Variants in TAC1 observed in about 807,000 individuals in gnomAD.
The protein encoded by TAC1 is tachykinin precursor 1.
A neutral mutation model predicts 21.7 loss-of-function variants in TAC1; 12 were observed. The ratio of observed to expected loss-of-function variants is 0.55; its 90% CI spans 0.35 to 0.89. The LOEUF (loss-of-function observed/expected upper bound fraction) is 0.89. Ranked by LOEUF, TAC1 falls within the 40% of genes least tolerant of loss-of-function variation. The probability of loss-of-function intolerance (pLI) is 0.01; values close to 1 mark genes in which losing one functional copy is unlikely to be tolerated. For missense variants in TAC1, 128 were observed against 151.4 expected (o/e 0.85, Z 0.81); for synonymous variants, 52 against 52.0 (o/e 1.00, Z 0.00).
In TAC1 at chr7:97,736,332, G is replaced by A; in HGVS notation, c.323G>A (p.Gly108Asp). ...ACAGATTCCTTTGTTGGACTAATGG[G>A]CAAAAGAGCTTTAAATTCTGGTATG... Reference protein sequence around the residue: ...HKTDSFVGLMGKRALNSVAYE... With the variant: ...HKTDSFVGLMDKRALNSVAYE... The change falls in exon 6 of 7, where the codon GGC becomes GAC. Residue 108 changes from glycine to aspartate, a missense_variant. By Grantham distance (94) the Gly-to-Asp change is moderately conservative (BLOSUM62 -1). Transcript: ENST00000319273. The A allele has an allele frequency of 6.2e-7, 1 of 1,611,252 alleles. No individual in the cohort carries two copies. The highest frequency in any genetic ancestry group is 8.5e-7 in the Non-Finnish European group (1 of 1,178,222).
At chr7:97,733,902 G>A (rs1465964535) in intron 3 of TAC1, 83 bp downstream of exon 3, 2 of 1,337,386 alleles carry the variant, frequency 1.5e-6, no homozygotes, top group African/African-American at 1.4e-5. Flanking sequence ...AGGGTCTCTC[G>A]CTCTGAATAG....
chr7:97,732,950 C>A lies in TAC1; in HGVS notation c.123+215C>A. 1 of 590,748 alleles carries A rather than the reference C, an allele frequency of 1.7e-6. No individual in the cohort carries two copies. The highest frequency in any genetic ancestry group is 2.8e-6 in the Non-Finnish European group (1 of 350,946). The allele number at this position is 590,748 out of a possible 1,614,324, so 36.6% of individuals were successfully genotyped here. A position where few individuals can be genotyped will look rare whatever the true frequency, so the allele number is the denominator to read the frequency against. Reference sequence around the variant, plus strand: ...AGTTTCTTCCCGAGGGCTGCACCGTCCGGCCCAGGAACTCCCTGCAGTAGG... The same window carrying A: ...AGTTTCTTCCCGAGGGCTGCACCGTACGGCCCAGGAACTCCCTGCAGTAGG... On this transcript the variant is annotated intron_variant, in intron 2 of 6. Transcript: ENST00000319273. This position sits in a 1 kb window ranked among gnomAD's most constrained non-coding sequence, Gnocchi z 6.2.
At chr7:97,737,671 C>G (rs997253801) in intron 6 of TAC1, among the ~76,000 whole-genome samples, 1 of 151,834 alleles carries the variant, frequency 6.6e-6, no homozygotes, top group African/African-American at 2.4e-5. Flanking sequence ...TTATTGGGTC[C>G]CCACTTTCTA....
In TAC1 at chr7:97,734,842, T is replaced by G; in HGVS notation, c.282T>G (p.Ser94=). 6.3e-7 allele frequency: 1 copy of G among 1,595,510 alleles called. No individual in the cohort carries two copies. Among genetic ancestry groups the G allele is most frequent in the East Asian group, 2.2e-5 (1 of 44,572 alleles). The change falls in exon 5 of 7, where the codon TCT becomes TCG. Residue 94 remains serine, a synonymous_variant. Coordinates refer to ENST00000319273, the MANE Select transcript of TAC1 (RefSeq NM_003182.3). ...TTCTTCTAGGACATGGCCAGATCTC[T>G]CACAAAAGTAAGTTCAAAATTATTT... ...LKALYGHGQI[S]HKRHKTDSFV...
chr7:97,735,183 TAAACAAAC>T (rs894898403), intron 5 of TAC1, among the ~76,000 whole-genome samples: 8 of 152,082 alleles, frequency 5.3e-5, no homozygotes, highest in African/African-American at 1.7e-4. Context: ...ACTTTCACTG[TAAACAAAC>T]AAACAAACAA....
intron 4 of TAC1, 150 bp from the exon 5 acceptor site, chr7:97,734,676 T>G: frequency 1.6e-6 from 1 of 642,224 alleles, no homozygotes; most frequent in Non-Finnish European, 2.7e-6. Flanking sequence ...AATAATTTGT[T>G]TAGCATTTAT....
chr7:97,739,372 T>C (rs1233599279), intron 6 of TAC1, among the ~76,000 whole-genome samples: 3 of 152,016 alleles, frequency 2.0e-5, no homozygotes, highest in African/African-American at 7.2e-5. Flanking sequence ...AAATCTGTTA[T>C]TTTAGGCCAA....
intron 6 of TAC1, among the ~76,000 whole-genome samples, chr7:97,737,490 C>T (rs555199337): frequency 1.2e-4 from 18 of 151,442 alleles, no homozygotes; most frequent in African/African-American, 2.7e-4. Context: ...AAAATCAAAA[C>T]GCGCAATAGA....
intron 5 of TAC1, among the ~76,000 whole-genome samples, chr7:97,735,650 C>T (rs1562784755): frequency 6.6e-6 from 1 of 151,598 alleles, no homozygotes; most frequent in East Asian, 1.9e-4. Flanking sequence ...CTCTCACTAG[C>T]ATTAAAATAG....
intron 2 of TAC1, chr7:97,733,199 A>C (rs1227301847): frequency 1.2e-5 from 2 of 171,546 alleles, no homozygotes; most frequent in Non-Finnish European, 2.5e-5. Flanking sequence ...TCCTGCCTTC[A>C]CGTTTGTTTT....
At chr7:97,733,887 A>T in intron 3 of TAC1, 68 bp downstream of exon 3, 2 of 1,431,934 alleles carry the variant, frequency 1.4e-6, no homozygotes, top group Non-Finnish European at 9.8e-7. Flanking sequence ...TTCCTGGAGT[A>T]CCCCAGGGTC....
chr7:97,733,601 G>T (rs1789486658), intron 2 of TAC1, 122 bp from the exon 3 acceptor site: 1 of 860,938 alleles, frequency 1.2e-6, no homozygotes, highest in Non-Finnish European at 1.8e-6. Context: ...CTCAGCCCGA[G>T]CGTGGGGAAG....
At chr7:97,738,903 C>T (rs1414447351) in intron 6 of TAC1, among the ~76,000 whole-genome samples, 1 of 151,698 alleles carries the variant, frequency 6.6e-6, no homozygotes, top group East Asian at 1.9e-4. Context: ...ATAAGGTATT[C>T]GTTAAGGATG....
rs1789681190 is a variant in TAC1, at chr7:97,740,326, C to G, written c.*406C>G. On this transcript the variant is annotated 3_prime_UTR_variant, in exon 7 of 7. Coordinates refer to ENST00000319273, the MANE Select transcript of TAC1 (RefSeq NM_003182.3). ...AATGTACTGAGATTTTGGTATTACA[C>G]TGTATTTGTATCTCTGAAGCATGTT... 1 of 155,868 alleles carries G rather than the reference C, an allele frequency of 6.4e-6. No individual in the cohort carries two copies. The highest frequency in any genetic ancestry group is 2.4e-5 in the African/African-American group (1 of 41,512). 9.7% of individuals were successfully genotyped at this position (155,868 alleles called of 1,614,324 possible).
chr7:97,739,725 G>A, intron 6 of TAC1, 149 bp from the exon 7 acceptor site: 1 of 526,998 alleles, frequency 1.9e-6, no homozygotes, highest in Non-Finnish European at 3.3e-6. Flanking sequence ...AGGATTGGAA[G>A]ATGTGCAGAT....
In TAC1 at chr7:97,740,029, G is replaced by T. The variant is rs62499562; in HGVS notation, c.*109G>T. On this transcript the variant is annotated 3_prime_UTR_variant, in exon 7 of 7. Coordinates refer to ENST00000319273, the MANE Select transcript of TAC1 (RefSeq NM_003182.3). ...ATTATTTATTTAATAACAATTGTTT[G>T]GGGTTGAAAATTCAAAAAGTGTTTA... The T allele has an allele frequency of 2.5e-6, 2 of 809,820 alleles. No individual in the cohort carries two copies. The highest frequency in any genetic ancestry group is 4.7e-5 in the South Asian group (2 of 42,836). The allele number at this position is 809,820 out of a possible 1,614,324, so 50.2% of individuals were successfully genotyped here.
chr7:97,735,254 CTTGGTCCAATAATGATG>C (rs1315897691), intron 5 of TAC1, among the ~76,000 whole-genome samples: 1 of 152,106 alleles, frequency 6.6e-6, no homozygotes, highest in East Asian at 1.9e-4. Flanking sequence ...TTTTAGTATG[CTTGGTCCAATAATGATG>C]TCATTTATTA....
chr7:97,734,782 A>T, intron 4 of TAC1, 44 bp from the exon 5 acceptor site: 1 of 1,490,236 alleles, frequency 6.7e-7, no homozygotes, highest in Non-Finnish European at 9.2e-7. Context: ...TAGCATCTTT[A>T]AAAACAAATC....
chr7:97,739,799 ATGCCCTGAACTTTAGTTG>A, intron 6 of TAC1, 57 bp from the exon 7 acceptor site: 1 of 1,018,722 alleles, frequency 9.8e-7, no homozygotes, highest in African/African-American at 1.6e-5. Context: ...AAATTACTAT[ATGCCCTGAACTTTAGTTG>A]TGTAACTCCC....
Sources: allele counts gnomAD v4.1 joint callset (sites outside exome capture counted in the v4.1 genomes callset), GRCh38; gene constraint gnomAD v4.1.1; non-coding constraint Gnocchi (gnomAD v3.1); transcripts MANE v1.5; gene names NCBI Gene and HGNC (gene_info 2026-07-23, HGNC 2026-07-21).